The following CHPF2 variants were observed in gnomAD, a reference collection of about 807,000 sequenced individuals.
CHPF2 encodes chondroitin polymerizing factor 2, also known as chondroitin polymerizing factor 2, non-catalytic subunit.
A neutral mutation model predicts 63.0 loss-of-function variants in CHPF2; 58 were observed. The observed-to-expected ratio is 0.92, with a 90% CI of 0.75 to 1.15. The LOEUF is 1.15. CHPF2 is among the 50% of genes most tolerant of loss of function. CHPF2 has a pLI of 0.00. For synonymous variants in CHPF2, 442 were observed against 438.0 expected, an observed-to-expected ratio of 1.01 and a Z score of -0.11; for missense variants, 1,045 against 1,035.4, an observed-to-expected ratio of 1.01 and a Z score of -0.13.
At chr7:151,237,008 C>G (rs1802678317) in intron 3 of CHPF2, 1 of 539,148 alleles carries the variant, frequency 1.9e-6, no homozygotes, top group Admixed American at 2.2e-5. Flanking sequence ...AGTTGAACGT[C>G]AGGCTTGGCA....
At position 151,238,803 on chromosome 7, in the gene CHPF2, T is replaced by A; in HGVS notation, c.*122T>A. Reference sequence around the variant, plus strand: ...TATTTTTTAAATATGAAAATGTTATTAAACATGTCTTCTGCCAAACTGTTT... The same window carrying A: ...TATTTTTTAAATATGAAAATGTTATAAAACATGTCTTCTGCCAAACTGTTT... On this transcript the variant is annotated 3_prime_UTR_variant, in exon 4 of 4. Coordinates refer to ENST00000035307, the MANE Select transcript of CHPF2 (RefSeq NM_019015.3). 1 of 1,542,688 alleles carries A rather than the reference T, an allele frequency of 6.5e-7. No homozygotes were observed. Among genetic ancestry groups the A allele is most frequent in the Non-Finnish European group, 8.7e-7 (1 of 1,148,420 alleles).
In CHPF2 at chr7:151,238,348, G is replaced by C. The variant is rs768482871; in HGVS notation, c.1986G>C (p.Gly662=). Residue 662 remains glycine, a synonymous_variant, in exon 4 of 4, where the codon GGG becomes GGC. Transcript: ENST00000035307. ...ADPSRGAPIG[G]RFDRQASAEG... is the part of the protein sequence containing the mutation. The stretch of plus-strand genomic sequence containing the variant: ...CCTCCCGGGGGGCTCCTATAGGGGG[G>C]AGATTTGACCGGCAGGCTTCTGCGG... 1.9e-6 allele frequency: 3 copies of C among 1,609,546 alleles called. No homozygotes were observed. The highest frequency in any genetic ancestry group is 1.1e-5 in the South Asian group (1 of 90,792).
At chr7:151,236,318 C>A in intron 2 of CHPF2, 90 bp from the exon 3 acceptor site, 1 of 1,161,806 alleles carries the variant, frequency 8.6e-7, no homozygotes, top group Non-Finnish European at 1.2e-6. Flanking sequence ...CGCAGCAGTG[C>A]TAACAGATGT....
rs1802547719 is a variant in CHPF2 at position 151,233,887 on chromosome 7, C to A, written c.-125C>A. On this transcript the variant is annotated 5_prime_UTR_variant, in exon 1 of 4. Transcript: ENST00000035307. Reference sequence around the variant, plus strand: ...TGGAAGCCAGCGGGCCTCGCTCTGTCTTTGGCCTCATTGACCCCAGGTTCT... The same window carrying A: ...TGGAAGCCAGCGGGCCTCGCTCTGTATTTGGCCTCATTGACCCCAGGTTCT... 7.4e-6 allele frequency: 10 copies of A among 1,353,188 alleles called. No individual in the cohort carries two copies. Among genetic ancestry groups the A allele is most frequent in the Non-Finnish European group, 9.5e-6 (10 of 1,055,178 alleles). The allele number at this position is 1,353,188 out of a possible 1,614,324, so 83.8% of individuals were successfully genotyped here. A position where few individuals can be genotyped will look rare whatever the true frequency, so the allele number is the denominator to read the frequency against.
Position 151,237,617 on chromosome 7 carries a change from C to G in CHPF2, c.1255C>G (p.Gln419Glu). 1 of 1,613,048 alleles carries G rather than the reference C, an allele frequency of 6.2e-7. No individual in the cohort carries two copies. The highest frequency in any genetic ancestry group is 8.5e-7 in the Non-Finnish European group (1 of 1,179,900). ...TALEQLNRRY[Q>E]PRLRFQKQRL... ...CCTGGAGCAGCTCAATCGGCGCTAT[C>G]AGCCCCGCCTGCGCTTCCAGAAGCA... The change falls in exon 4 of 4, where the codon CAG becomes GAG. Residue 419 changes from glutamine to glutamate, a missense_variant. Coordinates refer to ENST00000035307, the MANE Select transcript of CHPF2 (RefSeq NM_019015.3).
chr7:151,237,166 G>A (rs943046570), intron 3 of CHPF2: 5 of 621,708 alleles, frequency 8.0e-6, no homozygotes, highest in Non-Finnish European at 1.4e-5. Context: ...CATGGCATTT[G>A]TGTAAGGTGA....
intron 1 of CHPF2, among the ~76,000 whole-genome samples, chr7:151,234,576 C>G (rs1292307451): frequency 6.6e-6 from 1 of 152,216 alleles, no homozygotes; most frequent in African/African-American, 2.4e-5. Flanking sequence ...ACTGCAATCT[C>G]TGCCTCCCAG....
chr7:151,238,548 C>T lies in CHPF2; in HGVS notation c.2186C>T (p.Ser729Phe), dbSNP rs1159879918. The T allele has an allele frequency of 7.4e-6, 12 of 1,611,846 alleles. No individual in the cohort carries two copies. The South Asian group carries it at 1.1e-4, about 15-fold the overall frequency. The change falls in exon 4 of 4, where the codon TCC (serine) becomes TTC (phenylalanine). Residue 729 changes from serine to phenylalanine, a missense_variant. Transcript: ENST00000035307. ...AVEPGLVQKF[S>F]LRDCSPRLSE... The stretch of plus-strand genomic sequence containing the variant: ...GAGCCAGGGCTGGTGCAGAAGTTCT[C>T]CCTGCGAGACTGCAGCCCACGGCTC...
Position 151,234,056 on chromosome 7 carries a change from C to G in CHPF2, c.45C>G (p.Pro15=). The G allele has an allele frequency of 1.3e-6, 2 of 1,572,336 alleles. No individual in the cohort carries two copies. Among genetic ancestry groups the G allele is most frequent in the South Asian group, 1.2e-5 (1 of 85,948 alleles). ...SLLALLRPAL[P]LILGLSLGCS... ...TGGCTCTGCTGCGGCCAGCGCTTCC[C>G]CTCATCTTAGGGCTGTCTCTGGGGT... The change falls in exon 1 of 4, where the codon CCC becomes CCG. Residue 15 remains proline, a synonymous_variant. Coordinates refer to ENST00000035307, the MANE Select transcript of CHPF2 (RefSeq NM_019015.3).
chr7:151,233,000 GGTA>G lies in CHPF2; in HGVS notation c.-1010_-1008del. On this transcript the variant is annotated 5_prime_UTR_variant, in exon 1 of 4. Transcript: ENST00000035307. ...TAGACTTGGTCTCTGATCGCCGAGA[GGTA>G]GCGCAGGGGCTGTGGGCCCCCGGCA... 7.8e-7 allele frequency: 1 copy of G among 1,281,398 alleles called. No homozygotes were observed. The highest frequency in any genetic ancestry group is 9.9e-7 in the Non-Finnish European group (1 of 1,013,314). 79.4% of individuals were successfully genotyped at this position (1,281,398 alleles called of 1,614,324 possible). A position where few individuals can be genotyped will look rare whatever the true frequency, so the allele number is the denominator to read the frequency against.
chr7:151,233,191 T>TC lies in CHPF2; in HGVS notation c.-817dup, dbSNP rs1802523149. On this transcript the variant is annotated 5_prime_UTR_variant, in exon 1 of 4. Transcript: ENST00000035307. ...GAATCGCTCGCACACAGAGTTCCAG[T>TC]CCCCGCCTGCTGTCTCCTCAGCAGC... 4 of 1,029,618 alleles carry TC rather than the reference T, an allele frequency of 3.9e-6. No homozygotes were observed. The highest frequency in any genetic ancestry group is 3.5e-6 in the Non-Finnish European group (3 of 859,140). 63.8% of individuals were successfully genotyped at this position (1,029,618 alleles called of 1,614,324 possible).
At position 151,232,566 on chromosome 7, in the gene CHPF2, C is replaced by A. The variant is rs1056959783; in HGVS notation, c.-1446C>A. ...CCTCAGCGGGCACTGGGGTCTGTTC[C>A]CCCTTCCCCGTCCCTGCTCCCTGCC... On this transcript the variant is annotated 5_prime_UTR_variant, in exon 1 of 4. Coordinates refer to ENST00000035307, the MANE Select transcript of CHPF2 (RefSeq NM_019015.3). The A allele has an allele frequency of 4.9e-5, 27 of 546,852 alleles. No individual in the cohort carries two copies. The highest frequency in any genetic ancestry group is 7.2e-5 in the Non-Finnish European group (23 of 319,486). The allele number at this position is 546,852 out of a possible 1,614,324, so 33.9% of individuals were successfully genotyped here. A position where few individuals can be genotyped will look rare whatever the true frequency, so the allele number is the denominator to read the frequency against.
At chr7:151,234,306 C>T in intron 1 of CHPF2, 32 bp downstream of exon 1, 1 of 1,456,418 alleles carries the variant, frequency 6.9e-7, no homozygotes, top group Non-Finnish European at 9.1e-7. Context: ...AGTCCCCAGA[C>T]ACTGGCCCTG....
chr7:151,234,175 C>A lies in CHPF2; in HGVS notation c.164C>A (p.Pro55Gln). 2 of 1,613,810 alleles carry A rather than the reference C, an allele frequency of 1.2e-6. No individual in the cohort carries two copies. Among genetic ancestry groups the A allele is most frequent in the Non-Finnish European group, 8.5e-7 (1 of 1,179,884 alleles). Residue 55 changes from proline to glutamine, a missense_variant, in exon 1 of 4, where the codon CCA (proline) becomes CAA (glutamine). By Grantham distance (76) the Pro-to-Gln change is moderately conservative (BLOSUM62 -1). Coordinates refer to ENST00000035307, the MANE Select transcript of CHPF2 (RefSeq NM_019015.3). Reference sequence around the variant, plus strand: ...GGGGAGCGAGGAGGGCCACAGAATCCAGATTCCAGAGCTCGGCTAGACCAA... The same window carrying A: ...GGGGAGCGAGGAGGGCCACAGAATCAAGATTCCAGAGCTCGGCTAGACCAA... ...AVGERGGPQNPDSRARLDQSD... is the reference protein window; with the variant it reads ...AVGERGGPQNQDSRARLDQSD...
chr7:151,235,375 C>T lies in CHPF2; in HGVS notation c.591C>T (p.Gly197=), dbSNP rs769883365. The change falls in exon 2 of 4, where the codon GGC becomes GGT. Residue 197 remains glycine, a synonymous_variant. Coordinates refer to ENST00000035307, the MANE Select transcript of CHPF2 (RefSeq NM_019015.3). ...CCCCCCGCCTGGCAGCCCTTGCTGG[C>T]CACCTCAGCATCAACCAAGACCTGT... The part of the protein sequence containing the change: ...VQAPRLAALA[G]HLSINQDLYL... The T allele has an allele frequency of 2.5e-6, 4 of 1,613,738 alleles. No individual in the cohort carries two copies. The highest frequency in any genetic ancestry group is 3.3e-5 in the Admixed American group (2 of 60,030).
In CHPF2 at chr7:151,232,951, C is replaced by G. The variant is rs1034054440; in HGVS notation, c.-1061C>G. ...TGTTTTGAGACGAACGGCGAAGACT[C>G]GCGTCGGGTCTTCGTTCTAGGGCTA... On this transcript the variant is annotated 5_prime_UTR_variant, in exon 1 of 4. Transcript: ENST00000035307. The G allele has an allele frequency of 1.0e-4, 137 of 1,338,346 alleles. 2 individuals carry two copies. Among genetic ancestry groups the G allele is most frequent in the Non-Finnish European group, 1.7e-5 (18 of 1,046,494 alleles). The allele number at this position is 1,338,346 out of a possible 1,614,324, so 82.9% of individuals were successfully genotyped here.
chr7:151,234,198 C>T lies in CHPF2; in HGVS notation c.187C>T (p.Gln63Ter). The change falls in exon 1 of 4, where the codon CAA becomes TAA. Residue 63 changes from glutamine (Q) to a stop codon, truncating the protein, a stop_gained. Transcript: ENST00000035307. LOFTEE classifies it high-confidence loss of function. Reference sequence around the variant, plus strand: ...TCCAGATTCCAGAGCTCGGCTAGACCAAAGTGATGAAGACTTCAAACCCCG... The same window carrying T: ...TCCAGATTCCAGAGCTCGGCTAGACTAAAGTGATGAAGACTTCAAACCCCG... The part of the protein sequence containing the change: ...QNPDSRARLD[Q>*]SDEDFKPRIV... 3 of 1,613,580 alleles carry T rather than the reference C, an allele frequency of 1.9e-6. No homozygotes were observed. Among genetic ancestry groups the T allele is most frequent in the Non-Finnish European group, 2.5e-6 (3 of 1,179,760 alleles).
At chr7:151,234,619 G>A (rs772360107) in intron 1 of CHPF2, among the ~76,000 whole-genome samples, 1 of 152,182 alleles carries the variant, frequency 6.6e-6, no homozygotes, top group Non-Finnish European at 1.5e-5. Context: ...AGCCTTGCGA[G>A]TAGCTGGTAT....
intron 2 of CHPF2, 67 bp from the exon 3 acceptor site, chr7:151,236,341 T>C: frequency 1.5e-6 from 2 of 1,370,822 alleles, no homozygotes; most frequent in Non-Finnish European, 2.0e-6. Flanking sequence ...ACACTGAGTA[T>C]GGTTAAGGGC....
Sources: allele counts gnomAD v4.1 joint callset (sites outside exome capture counted in the v4.1 genomes callset), GRCh38; gene constraint gnomAD v4.1.1; transcripts MANE v1.5; gene names NCBI Gene and HGNC (gene_info 2026-07-23, HGNC 2026-07-21).